ENPP2: variants seen among roughly 807,000 people sequenced by gnomAD.
ENPP2 encodes ectonucleotide pyrophosphatase/phosphodiesterase 2.
Under a neutral mutation model 120.2 loss-of-function variants are expected in ENPP2, and 51 were observed. The ratio of observed to expected loss-of-function variants is 0.42; its 90% confidence interval spans 0.34 to 0.54. The LOEUF is 0.54. Among genes scored for constraint, ENPP2 ranks in the 20% least tolerant of loss-of-function variants. The pLI, the probability that ENPP2 is intolerant of heterozygous loss-of-function variation, is 0.04. For synonymous variants in ENPP2, 365 were observed against 366.4 expected, an observed-to-expected ratio of 1.00 and a Z score of 0.04; for missense variants, 920 against 1,066.5, an observed-to-expected ratio of 0.86 and a Z score of 1.91.
At chr8:119,576,783 C>T (rs1812371219) in intron 19 of ENPP2, among the ~76,000 whole-genome samples, 1 of 152,134 alleles carries the variant, frequency 6.6e-6, no homozygotes, top group Non-Finnish European at 1.5e-5. Context: ...TCGGCCAAGA[C>T]ATTAGGTATA....
At position 119,600,663 on chromosome 8, in the gene ENPP2, T is replaced by C. The variant is rs773163688; in HGVS notation, c.972+15A>G. ...GGGCCACAGATTCTTCTCAGGCAGA[T>C]GCTAAACCACTAACCTCAGGGCCGA... On this transcript the variant is annotated intron_variant, in intron 11 of 24. Transcript: ENST00000075322. 6.4e-7 allele frequency: 1 copy of C among 1,570,004 alleles called. No homozygotes were observed. Among genetic ancestry groups the C allele is most frequent in the Non-Finnish European group, 8.8e-7 (1 of 1,140,404 alleles).
chr8:119,638,890 AGG>A, upstream of ENPP2: 1 of 1,349,422 alleles, frequency 7.4e-7, no homozygotes, highest in Non-Finnish European at 1.1e-6. Flanking sequence ...CCCACCTGGG[AGG>A]TTGACAGACT....
intron 2 of ENPP2, 134 bp from the exon 3 acceptor site, chr8:119,626,854 C>G: frequency 2.6e-6 from 2 of 759,342 alleles, no homozygotes. Flanking sequence ...TACTTACTAC[C>G]CATGTACTCT....
intron 19 of ENPP2, among the ~76,000 whole-genome samples, chr8:119,577,853 C>T (rs1812450161): frequency 6.6e-6 from 1 of 152,178 alleles, no homozygotes; most frequent in Non-Finnish European, 1.5e-5. Context: ...AATACACAAA[C>T]TTTAAGCTTC....
chr8:119,624,348 C>A (rs1816121874), intron 3 of ENPP2, among the ~76,000 whole-genome samples: 1 of 151,952 alleles, frequency 6.6e-6, no homozygotes, highest in Admixed American at 6.6e-5. Flanking sequence ...AGGAGGTCAC[C>A]TACCAGATTA....
intron 17 of ENPP2, 131 bp downstream of exon 17, chr8:119,583,586 T>C (rs1812898149): frequency 3.3e-6 from 2 of 604,500 alleles, no homozygotes; most frequent in South Asian, 4.6e-5. Context: ...AATGGGCAAG[T>C]TACAACCTTT....
At chr8:119,589,049 A>G (rs1307138890) in intron 13 of ENPP2, among the ~76,000 whole-genome samples, 2 of 152,238 alleles carry the variant, frequency 1.3e-5, no homozygotes, top group Non-Finnish European at 2.9e-5. Flanking sequence ...CAATGCTATT[A>G]AAAGGATTAA....
intron 1 of ENPP2, among the ~76,000 whole-genome samples, chr8:119,660,032 A>T (rs551646997): frequency 6.6e-6 from 1 of 152,324 alleles, no homozygotes; most frequent in African/African-American, 2.4e-5. Flanking sequence ...AGGCCAAAGT[A>T]TAAGTATAAA....
At chr8:119,623,944 C>A (rs1474937037) in intron 3 of ENPP2, among the ~76,000 whole-genome samples, 2 of 152,110 alleles carry the variant, frequency 1.3e-5, no homozygotes, top group African/African-American at 4.8e-5. Context: ...TTTTTAATAT[C>A]CCGTTTCCAT....
intron 19 of ENPP2, 186 bp from the exon 20 acceptor site, chr8:119,571,027 A>C (rs1814931373): frequency 1.2e-5 from 5 of 410,062 alleles, no homozygotes; most frequent in Non-Finnish European, 2.1e-5. Flanking sequence ...TCACCTAACC[A>C]TGGGTCAAGC....
chr8:119,630,149 C>A (rs1816562664), intron 2 of ENPP2, among the ~76,000 whole-genome samples: 1 of 151,478 alleles, frequency 6.6e-6, no homozygotes, highest in African/African-American at 2.4e-5. Flanking sequence ...GCTCTTGTTG[C>A]CCAGGCTGGA....
chr8:119,664,903 A>G (rs900286608), intron 1 of ENPP2, among the ~76,000 whole-genome samples: 1 of 152,098 alleles, frequency 6.6e-6, no homozygotes, highest in Non-Finnish European at 1.5e-5. Flanking sequence ...ACAAAAACAA[A>G]ACAATAACAA....
In ENPP2 at chr8:119,657,750, G is replaced by C. The variant is rs553445610; in HGVS notation, c.21+15502C>G. On this transcript the variant is annotated intron_variant, in intron 1 of 25. Coordinates refer to the ENPP2 transcript ENST00000427067. ...GTCTAGGAATGAAAGGAATCAACAA[G>C]TGGGATGTACATGCCCTGCATTTCA... 2.6e-4 allele frequency among the ~76,000 whole-genome samples: 40 copies of C among 152,310 alleles called. No homozygotes were observed. In the South Asian group the frequency reaches 8.3e-3, roughly 32 times the overall value.
chr8:119,575,777 A>G (rs1486854585), intron 19 of ENPP2, among the ~76,000 whole-genome samples: 2 of 152,204 alleles, frequency 1.3e-5, no homozygotes, highest in African/African-American at 4.8e-5. Context: ...TTGCAGTTGT[A>G]CTGTTTAGTA....
At chr8:119,651,651 T>G (rs1016715262) in intron 1 of ENPP2, among the ~76,000 whole-genome samples, 64 of 152,314 alleles carry the variant, frequency 4.2e-4, no homozygotes, top group African/African-American at 1.5e-3. Context: ...TTGATAATGT[T>G]TCCTAATTCA....
At chr8:119,633,022 T>C (rs901319271) in intron 2 of ENPP2, among the ~76,000 whole-genome samples, 2 of 152,164 alleles carry the variant, frequency 1.3e-5, no homozygotes, top group Non-Finnish European at 2.9e-5. Flanking sequence ...GCCATTGCAC[T>C]CCAGCCTGGG....
At chr8:119,561,860 T>C (rs561644383) in intron 24 of ENPP2, among the ~76,000 whole-genome samples, 1 of 152,112 alleles carries the variant, frequency 6.6e-6, no homozygotes, top group Admixed American at 6.6e-5. Flanking sequence ...TTTTCATGGC[T>C]GGGTGCAGTG....
chr8:119,661,172 G>A (rs1329206146), intron 1 of ENPP2, among the ~76,000 whole-genome samples: 1 of 152,052 alleles, frequency 6.6e-6, no homozygotes, highest in Non-Finnish European at 1.5e-5. Context: ...GTTGGGGGCT[G>A]AGGGGTAAGG....
intron 22 of ENPP2, among the ~76,000 whole-genome samples, chr8:119,566,895 T>A (rs1246367103): frequency 2.0e-5 from 3 of 152,244 alleles, no homozygotes; most frequent in Non-Finnish European, 4.4e-5. Flanking sequence ...AAAAGCATAC[T>A]TTAATTTTTC....
Sources: allele counts gnomAD v4.1 joint callset (sites outside exome capture counted in the v4.1 genomes callset), GRCh38; gene constraint gnomAD v4.1.1; transcripts MANE v1.5; gene names NCBI Gene and HGNC (gene_info 2026-07-23, HGNC 2026-07-21).